SIK2: variants seen among roughly 807,000 people sequenced by gnomAD.
SIK2 encodes the protein salt inducible kinase 2, also known as serine/threonine-protein kinase SIK2.
SIK2 carries 29 observed loss-of-function variants against 103.2 expected under a neutral mutation model. The observed-to-expected ratio is 0.28, with a 90% CI of 0.21 to 0.38. The LOEUF is 0.38. Among genes scored for constraint, SIK2 ranks in the 10% least tolerant of loss-of-function variants. The pLI is 1.00. For missense variants in SIK2, 879 were observed against 1,171.0 expected, an observed-to-expected ratio of 0.75 and a Z score of 3.64; for synonymous variants, 412 against 446.1, an observed-to-expected ratio of 0.92 and a Z score of 0.96.
rs529471282 is a variant in SIK2, at chr11:111,654,630, A to G, written c.317-33371A>G. Among the ~76,000 whole-genome samples, 224 of 152,304 alleles carry G rather than the reference A, an allele frequency of 1.5e-3. 2 individuals are homozygous for G. The highest frequency in any genetic ancestry group is 5.2e-3 in the African/African-American group (218 of 41,578). ...TTAATCAGTATAAAACAACTTTTCAAAGTGTTGTTCTACAGTTCTGAGATA... is the reference window on the plus strand; with the variant it reads ...TTAATCAGTATAAAACAACTTTTCAGAGTGTTGTTCTACAGTTCTGAGATA... On this transcript the variant is annotated intron_variant, in intron 3 of 14. Coordinates refer to ENST00000304987, the MANE Select transcript of SIK2 (RefSeq NM_015191.3).
chr11:111,622,760 A>G (rs1227262796), intron 3 of SIK2, among the ~76,000 whole-genome samples: 2 of 152,144 alleles, frequency 1.3e-5, no homozygotes, highest in African/African-American at 4.8e-5. Flanking sequence ...GTTTCTGACA[A>G]AAAAACCACT....
intron 9 of SIK2, among the ~76,000 whole-genome samples, chr11:111,716,296 C>T (rs756846228): frequency 1.3e-5 from 2 of 152,098 alleles, no homozygotes; most frequent in Non-Finnish European, 2.9e-5. Flanking sequence ...AAAGGATATA[C>T]ATCTGGCCAG....
intron 3 of SIK2, among the ~76,000 whole-genome samples, chr11:111,653,940 A>G (rs1942359760): frequency 1.3e-5 from 2 of 152,110 alleles, no homozygotes; most frequent in African/African-American, 2.4e-5. Flanking sequence ...GTTCTATTTT[A>G]TTGACCATTC....
At position 111,722,845 on chromosome 11, in the gene SIK2, G is replaced by T; in HGVS notation, c.2147+89G>T. The T allele has an allele frequency of 8.3e-7, 1 of 1,201,222 alleles. No homozygotes were observed. The highest frequency in any genetic ancestry group is 1.3e-5 in the South Asian group (1 of 74,936). The allele number at this position is 1,201,222 out of a possible 1,614,324, so 74.4% of individuals were successfully genotyped here. A position where few individuals can be genotyped will look rare whatever the true frequency, so the allele number is the denominator to read the frequency against. ...GTGTTGTCCTTTTCCTCTCACATTCGCCACTACTAGGAAAATAGGTTTTCT... is the reference window on the plus strand; with the variant it reads ...GTGTTGTCCTTTTCCTCTCACATTCTCCACTACTAGGAAAATAGGTTTTCT... On this transcript the variant is annotated intron_variant, in intron 14 of 14. Coordinates refer to ENST00000304987, the MANE Select transcript of SIK2 (RefSeq NM_015191.3). This position sits in a 1 kb window ranked among gnomAD's most constrained non-coding sequence, Gnocchi z 4.4.
chr11:111,658,295 T>C (rs1942421623), intron 3 of SIK2, among the ~76,000 whole-genome samples: 1 of 152,032 alleles, frequency 6.6e-6, no homozygotes, highest in African/African-American at 2.4e-5. Context: ...CGGTTAATTT[T>C]TGTATTTTTA....
At chr11:111,658,028 CCTT>C (rs1942415899) in intron 3 of SIK2, among the ~76,000 whole-genome samples, 1 of 151,794 alleles carries the variant, frequency 6.6e-6, no homozygotes, top group African/African-American at 2.4e-5. Context: ...TAAAAAATGA[CCTT>C]CTTGAAGTTC....
chr11:111,649,869 A>AT (rs1565331375), intron 3 of SIK2, among the ~76,000 whole-genome samples: 1 of 152,138 alleles, frequency 6.6e-6, no homozygotes, highest in Non-Finnish European at 1.5e-5. Flanking sequence ...GAATAGCTCT[A>AT]TTTTTTTAAA....
At chr11:111,645,379 C>T (rs1942241276) in intron 3 of SIK2, among the ~76,000 whole-genome samples, 1 of 152,120 alleles carries the variant, frequency 6.6e-6, no homozygotes, top group Non-Finnish European at 1.5e-5. Flanking sequence ...GCAACAAAAG[C>T]CAGTGTACTA....
In SIK2 at chr11:111,648,995, A is replaced by G. The variant is rs1167151459; in HGVS notation, c.316+28593A>G. Among the ~76,000 whole-genome samples, 3 of 152,068 alleles carry G rather than the reference A, an allele frequency of 2.0e-5. No individual in the cohort carries two copies. In the East Asian group the frequency reaches 5.8e-4, roughly 29 times the overall value. ...CCTACCAATTATGGTCTCCTGCTCA[A>G]TGTGTTCTTGAATTGTTAGTCAGCA... On this transcript the variant is annotated intron_variant, in intron 3 of 14. Coordinates refer to ENST00000304987, the MANE Select transcript of SIK2 (RefSeq NM_015191.3).
At chr11:111,653,552 G>T (rs1175297307) in intron 3 of SIK2, among the ~76,000 whole-genome samples, 1 of 152,220 alleles carries the variant, frequency 6.6e-6, no homozygotes, top group African/African-American at 2.4e-5. Context: ...TTCAGAGAGA[G>T]GTTCCTAAAA....
At chr11:111,649,157 G>A (rs1346541619) in intron 3 of SIK2, among the ~76,000 whole-genome samples, 2 of 152,118 alleles carry the variant, frequency 1.3e-5, no homozygotes, top group Non-Finnish European at 2.9e-5. Flanking sequence ...GTGTCACATA[G>A]TTTCATTCTT....
intron 1 of SIK2, 104 bp from the exon 2 acceptor site, chr11:111,616,139 A>G (rs998116269): frequency 1.1e-5 from 8 of 696,026 alleles, no homozygotes; most frequent in African/African-American, 1.8e-5. Flanking sequence ...CATCAGTGTC[A>G]GGAACCTACA....
At chr11:111,674,526 A>C (rs1352734124) in intron 3 of SIK2, among the ~76,000 whole-genome samples, 1 of 152,216 alleles carries the variant, frequency 6.6e-6, no homozygotes, top group African/African-American at 2.4e-5. Context: ...TTCCCAACCA[A>C]ATGTTTTTCA....
chr11:111,703,439 A>G lies in SIK2; in HGVS notation c.948+16A>G. The G allele has an allele frequency of 1.2e-6, 2 of 1,611,220 alleles. No homozygotes were observed. Among genetic ancestry groups the G allele is most frequent in the Non-Finnish European group, 1.7e-6 (2 of 1,178,460 alleles). On this transcript the variant is annotated intron_variant, in intron 7 of 14. Coordinates refer to ENST00000304987, the MANE Select transcript of SIK2 (RefSeq NM_015191.3). ...AACCATTGAGGTAAAGTGATCAGAG[A>G]TTTCGGGGTTCTACTGCACTTAGCT... is the stretch of plus-strand genomic sequence containing the variant.
intron 1 of SIK2, among the ~76,000 whole-genome samples, chr11:111,612,944 A>ATATATATATATATATT (rs1184940281): frequency 3.4e-5 from 5 of 147,758 alleles, no homozygotes; most frequent in Non-Finnish European, 6.0e-5. Context: ...ATATATATAT[A>ATATATATATATATATT]TATTTATGAT....
rs1225635176 is a variant in SIK2 at position 111,726,895 on chromosome 11, A to G, written c.*2766A>G. 2 of 1,473,748 alleles carry G rather than the reference A, an allele frequency of 1.4e-6. No homozygotes were observed. The highest frequency in any genetic ancestry group is 1.9e-6 in the Non-Finnish European group (2 of 1,060,814). 91.3% of individuals were successfully genotyped at this position (1,473,748 alleles called of 1,614,324 possible). A position where few individuals can be genotyped will look rare whatever the true frequency, so the allele number is the denominator to read the frequency against. On this transcript the variant is annotated 3_prime_UTR_variant, in exon 15 of 15. Transcript: ENST00000304987. Reference sequence around the variant, plus strand: ...TTGGTGAGATGAACGTGAGGTAAAAATTTCGTTCGGCAAAAAGTGCAATAT... The same window carrying G: ...TTGGTGAGATGAACGTGAGGTAAAAGTTTCGTTCGGCAAAAAGTGCAATAT...
In SIK2 at chr11:111,705,230, C is replaced by A; in HGVS notation, c.1101+91C>A. 1 of 1,303,502 alleles carries A rather than the reference C, an allele frequency of 7.7e-7. No homozygotes were observed. The highest frequency in any genetic ancestry group is 1.0e-6 in the Non-Finnish European group (1 of 1,001,864). 80.7% of individuals were successfully genotyped at this position (1,303,502 alleles called of 1,614,324 possible). A position where few individuals can be genotyped will look rare whatever the true frequency, so the allele number is the denominator to read the frequency against. On this transcript the variant is annotated intron_variant, in intron 8 of 14. Transcript: ENST00000304987. This position sits in a 1 kb window ranked among gnomAD's most constrained non-coding sequence, Gnocchi z 4.3. ...CATCTTATACACAGGGTTAGGATTT[C>A]ATCCTCTACACTCCGTTTTTCTGTA...
intron 3 of SIK2, among the ~76,000 whole-genome samples, chr11:111,650,678 T>C (rs991452780): frequency 1.3e-5 from 2 of 152,180 alleles, no homozygotes; most frequent in Non-Finnish European, 2.9e-5. Flanking sequence ...CAGCAAAATA[T>C]AAATCCTTTG....
At chr11:111,633,865 C>G (rs919583017) in intron 3 of SIK2, among the ~76,000 whole-genome samples, 1 of 152,094 alleles carries the variant, frequency 6.6e-6, no homozygotes, top group African/African-American at 2.4e-5. Flanking sequence ...GCTTAAGAGT[C>G]CTTGGGTTAT....
Sources: allele counts gnomAD v4.1 joint callset (sites outside exome capture counted in the v4.1 genomes callset), GRCh38; gene constraint gnomAD v4.1.1; non-coding constraint Gnocchi (gnomAD v3.1); transcripts MANE v1.5; gene names NCBI Gene and HGNC (gene_info 2026-07-23, HGNC 2026-07-21).